The following IGSF6 variants were observed in gnomAD, a reference collection of about 807,000 sequenced individuals.
IGSF6 encodes the protein immunoglobulin superfamily member 6.
IGSF6 carries 23 observed loss-of-function variants against 24.7 expected under a neutral mutation model. The observed-to-expected ratio is 0.93, with a 90% CI of 0.67 to 1.32. The LOEUF (loss-of-function observed/expected upper bound fraction) is 1.32, where lower values mean the gene tolerates loss of function less well. Among genes scored for constraint, IGSF6 ranks in the 40% most tolerant of loss-of-function variants. IGSF6 has a pLI of 0.00. For synonymous variants in IGSF6, 110 were observed against 113.7 expected (o/e 0.97, Z 0.21); for missense variants, 295 against 293.6 (o/e 1.00, Z -0.04).
intron 1 of IGSF6, among the ~76,000 whole-genome samples, chr16:21,650,758 T>A (rs1041096327): frequency 6.6e-6 from 1 of 152,034 alleles, no homozygotes. Flanking sequence ...GGCAACCTAT[T>A]AACAAAAAAG....
intron 1 of IGSF6, 135 bp downstream of exon 1, chr16:21,652,397 C>T: frequency 1.7e-6 from 1 of 573,616 alleles, no homozygotes; most frequent in South Asian, 3.3e-5. Context: ...AAAAAGGAAA[C>T]TTATCCTCTT....
At position 21,647,352 on chromosome 16, in the gene IGSF6, A is replaced by C; in HGVS notation, c.208T>G (p.Tyr70Asp). Residue 70 changes from tyrosine (Y) to aspartate (D), a missense_variant, in exon 2 of 6, where the codon TAC (tyrosine) becomes GAC (aspartate). Physicochemically the swap from Tyr to Asp is radical, Grantham distance 160. Coordinates refer to ENST00000268389, the MANE Select transcript of IGSF6 (RefSeq NM_005849.4). ...AGGTTCTCAGGCTGGTGAGCACCGT[A>C]GCGAAACCACAGGCATGTTGGTTGC... is the stretch of plus-strand genomic sequence containing the variant. ...SEQPTCLWFRYGAHQPENLCL... is the reference protein window; with the variant it reads ...SEQPTCLWFRDGAHQPENLCL... 2 of 1,614,192 alleles carry C rather than the reference A, an allele frequency of 1.2e-6. No homozygotes were observed. Among genetic ancestry groups the C allele is most frequent in the Non-Finnish European group, 1.7e-6 (2 of 1,180,032 alleles).
Position 21,641,248 on chromosome 16 carries a change from C to T in IGSF6, c.*286G>A, listed in dbSNP as rs558052609. On this transcript the variant is annotated 3_prime_UTR_variant, in exon 6 of 6. Coordinates refer to ENST00000268389, the MANE Select transcript of IGSF6 (RefSeq NM_005849.4). ...TTCAGATCTTCAGGATGGCAGTCATCACACATCTCATGTTGAATGAAACAG... is the reference window on the plus strand; with the variant it reads ...TTCAGATCTTCAGGATGGCAGTCATTACACATCTCATGTTGAATGAAACAG... 65 of 221,906 alleles carry T rather than the reference C, an allele frequency of 2.9e-4. No homozygotes were observed. Among genetic ancestry groups the T allele is most frequent in the Admixed American group, 8.1e-4 (14 of 17,278 alleles). 13.7% of individuals were successfully genotyped at this position (221,906 alleles called of 1,614,324 possible). A position where few individuals can be genotyped will look rare whatever the true frequency, so the allele number is the denominator to read the frequency against.
intron 1 of IGSF6, 186 bp downstream of exon 1, chr16:21,652,346 A>G: frequency 4.1e-6 from 2 of 490,164 alleles, no homozygotes; most frequent in South Asian, 3.8e-5. Flanking sequence ...TTAATATGAA[A>G]CTTTTTCTCA....
In IGSF6 at chr16:21,641,518, G is replaced by A. The variant is rs1435751746; in HGVS notation, c.*16C>T. On this transcript the variant is annotated 3_prime_UTR_variant, in exon 6 of 6. Transcript: ENST00000268389. The stretch of plus-strand genomic sequence containing the variant: ...GAGTTGGATTTTCAGTGACTTCATT[G>A]AAAATTAAAACGTTTCTATGGCCTT... 2.0e-6 allele frequency: 3 copies of A among 1,533,332 alleles called. No individual in the cohort carries two copies. The allele number at this position is 1,533,332 out of a possible 1,614,324, so 95.0% of individuals were successfully genotyped here.
intron 1 of IGSF6, 145 bp downstream of exon 1, chr16:21,652,386 GA>G: frequency 1.9e-6 from 1 of 537,316 alleles, no homozygotes; most frequent in Non-Finnish European, 3.2e-6. Flanking sequence ...TTTCTCAGGG[GA>G]AAAAGGAAAC....
chr16:21,645,855 CTTAACTTATTTA>C (rs981557136), intron 2 of IGSF6, among the ~76,000 whole-genome samples: 1 of 152,142 alleles, frequency 6.6e-6, no homozygotes, highest in Non-Finnish European at 1.5e-5. Context: ...CTTTAAGTGC[CTTAACTTATTTA>C]TAATTTAGCT....
chr16:21,646,816 C>T (rs146882023), intron 2 of IGSF6: 37 of 358,732 alleles, frequency 1.0e-4, no homozygotes, highest in African/African-American at 5.1e-4. Flanking sequence ...CCACCATGCG[C>T]GGCTAATTTT....
At chr16:21,643,408 T>C in intron 4 of IGSF6, 140 bp downstream of exon 4, 1 of 636,990 alleles carries the variant, frequency 1.6e-6, no homozygotes, top group Non-Finnish European at 2.7e-6. Flanking sequence ...CAATAGGAAA[T>C]AGTGTCTGCA....
At chr16:21,644,214 G>T in intron 3 of IGSF6, 76 bp downstream of exon 3, 1 of 1,074,882 alleles carries the variant, frequency 9.3e-7, no homozygotes, top group Non-Finnish European at 1.4e-6. Context: ...CATAACTTGT[G>T]GAGAGATAGA....
rs748194189 is a variant in IGSF6 at position 21,647,350 on chromosome 16, G to A, written c.210C>T (p.Tyr70=). 9.9e-6 allele frequency: 16 copies of A among 1,614,042 alleles called. 1 individual carries two copies. The highest frequency in any genetic ancestry group is 5.0e-5 in the Admixed American group (3 of 60,008). Residue 70 remains tyrosine (Y), a synonymous_variant, in exon 2 of 6, where the codon TAC becomes TAT. Coordinates refer to ENST00000268389, the MANE Select transcript of IGSF6 (RefSeq NM_005849.4). ...ACAGGTTCTCAGGCTGGTGAGCACCGTAGCGAAACCACAGGCATGTTGGTT... is the reference window on the plus strand; with the variant it reads ...ACAGGTTCTCAGGCTGGTGAGCACCATAGCGAAACCACAGGCATGTTGGTT... The part of the protein sequence containing the change: ...SEQPTCLWFR[Y]GAHQPENLCL...
At chr16:21,651,818 T>G (rs1404726161) in intron 1 of IGSF6, 1 of 152,192 alleles carries the variant, frequency 6.6e-6, no homozygotes, top group Non-Finnish European at 1.5e-5. Context: ...TTTAAAATAA[T>G]GCTAATTAAA....
intron 1 of IGSF6, among the ~76,000 whole-genome samples, chr16:21,649,593 G>T (rs1001071319): frequency 5.3e-5 from 8 of 152,290 alleles, no homozygotes; most frequent in African/African-American, 1.9e-4. Context: ...ATGGAATTGG[G>T]TCTGCCAAAA....
At position 21,640,923 on chromosome 16, in the gene IGSF6, C is replaced by CAA. The variant is rs1376298782; in HGVS notation, c.*610_*611insTT. On this transcript the variant is annotated 3_prime_UTR_variant, in exon 6 of 6. Transcript: ENST00000268389. The stretch of plus-strand genomic sequence containing the variant: ...TTGTTCTGAAGTTACCTCTGTTTAA[C>CAA]CTTCAGCTTTGGATTTTCTGTATTT... 2 of 152,096 alleles carry CAA rather than the reference C, an allele frequency of 1.3e-5. No individual in the cohort carries two copies. Among genetic ancestry groups the CAA allele is most frequent in the Non-Finnish European group, 2.9e-5 (2 of 68,054 alleles). 9.4% of individuals were successfully genotyped at this position (152,096 alleles called of 1,614,324 possible).
intron 1 of IGSF6, among the ~76,000 whole-genome samples, chr16:21,648,504 C>T (rs1305367289): frequency 6.6e-6 from 1 of 152,170 alleles, no homozygotes; most frequent in Non-Finnish European, 1.5e-5. Flanking sequence ...TGGTTGTGGA[C>T]GTCTAGCCAC....
chr16:21,643,450 TTAACATTTAAATATTTAAAA>T, intron 4 of IGSF6, 78 bp downstream of exon 4: 1 of 785,908 alleles, frequency 1.3e-6, no homozygotes, highest in East Asian at 2.7e-5. Flanking sequence ...CTGTTTAAAC[TTAACATTTAAATATTTAAAA>T]GCTAAAAAAT....
chr16:21,643,048 A>ATT lies in IGSF6; in HGVS notation c.666+24_666+25dup, dbSNP rs769652733. 11 of 1,458,258 alleles carry ATT rather than the reference A, an allele frequency of 7.5e-6. No individual in the cohort carries two copies. In the African/African-American group the frequency reaches 8.4e-5, roughly 11 times the overall value. The allele number at this position is 1,458,258 out of a possible 1,614,324, so 90.3% of individuals were successfully genotyped here. A position where few individuals can be genotyped will look rare whatever the true frequency, so the allele number is the denominator to read the frequency against. On this transcript the variant is annotated intron_variant, in intron 5 of 5. Coordinates refer to ENST00000268389, the MANE Select transcript of IGSF6 (RefSeq NM_005849.4). The stretch of plus-strand genomic sequence containing the variant: ...AAACGTGCTTTATATCTGTATTTAC[A>ATT]TTTTTTTTTGACATTTTACACTTAC...
chr16:21,644,347 T>TA lies in IGSF6; in HGVS notation c.476dup (p.Ser160IlefsTer54). ...CGGTCACATAGACAGAGAGCAGTGA[T>TA]ACAAGAGCTGTCAGGAAGCTCCGCA... On this transcript the variant is annotated frameshift_variant, in exon 3 of 6. Coordinates refer to ENST00000268389, the MANE Select transcript of IGSF6 (RefSeq NM_005849.4). LOFTEE classifies it high-confidence loss of function. The TA allele has an allele frequency of 6.2e-7, 1 of 1,614,056 alleles. No homozygotes were observed. The highest frequency in any genetic ancestry group is 1.6e-4 in the Middle Eastern group (1 of 6,062).
intron 2 of IGSF6, among the ~76,000 whole-genome samples, chr16:21,644,668 C>G (rs1344630279): frequency 6.6e-6 from 1 of 152,176 alleles, no homozygotes; most frequent in East Asian, 1.9e-4. Context: ...CTAAGCATCA[C>G]TTTTTAGATA....
Sources: allele counts gnomAD v4.1 joint callset (sites outside exome capture counted in the v4.1 genomes callset), GRCh38; gene constraint gnomAD v4.1.1; transcripts MANE v1.5; gene names NCBI Gene and HGNC (gene_info 2026-07-23, HGNC 2026-07-21).